Variants in PM20D2 observed in about 807,000 individuals in gnomAD.
PM20D2 encodes the protein xaa-Arg dipeptidase.
PM20D2 carries 33 observed loss-of-function variants against 42.9 expected under a neutral mutation model. That is an observed-to-expected ratio of 0.77 (90% CI 0.58 to 1.03). The LOEUF (loss-of-function observed/expected upper bound fraction) is 1.03. Ranked by LOEUF, PM20D2 falls within the 50% of genes least tolerant of loss-of-function variation. PM20D2 has a pLI of 0.00. For synonymous variants in PM20D2, 250 were observed against 228.2 expected, an observed-to-expected ratio of 1.10 and a Z score of -0.86; for missense variants, 548 against 557.0, an observed-to-expected ratio of 0.98 and a Z score of 0.16.
the PM20D2 span, among the ~76,000 whole-genome samples, chr6:89,094,087 A>C: frequency 6.6e-6 from 1 of 150,456 alleles, no homozygotes; most frequent in African/African-American, 2.4e-5. Context: ...TGCCTGGCTA[A>C]TTTTTGTAAT....
the PM20D2 span, among the ~76,000 whole-genome samples, chr6:89,110,628 G>A: frequency 3.3e-5 from 5 of 152,134 alleles, no homozygotes; most frequent in Admixed American, 1.3e-4. Context: ...GTAGAGAGGT[G>A]GAGTTCTCCT....
chr6:89,096,255 T>C, the PM20D2 span: 1 of 152,222 alleles, frequency 6.6e-6, no homozygotes, highest in Non-Finnish European at 1.5e-5. Flanking sequence ...GGAAGAGGAC[T>C]CTGAAGCCCA....
the PM20D2 span, among the ~76,000 whole-genome samples, chr6:89,094,648 G>A: frequency 6.6e-6 from 1 of 152,102 alleles, no homozygotes; most frequent in African/African-American, 2.4e-5. Flanking sequence ...TTCATCCAGG[G>A]AGTGATTTAA....
chr6:89,100,755 A>G, the PM20D2 span, among the ~76,000 whole-genome samples: 2 of 152,244 alleles, frequency 1.3e-5, no homozygotes, highest in African/African-American at 4.8e-5. Context: ...AAAATATATG[A>G]TATCTGAAAT....
At chr6:89,149,118 C>T (rs920273089) in intron 1 of PM20D2, 147 bp from the exon 2 acceptor site, 3 of 895,104 alleles carry the variant, frequency 3.4e-6, no homozygotes, top group East Asian at 2.6e-5. Context: ...TTTGTTGATG[C>T]CCATTGCGTA....
the PM20D2 span, among the ~76,000 whole-genome samples, chr6:89,102,659 C>A: frequency 1.3e-5 from 2 of 152,184 alleles, no homozygotes; most frequent in African/African-American, 4.8e-5. Context: ...AATTTTAACA[C>A]TGTTCAGGAA....
At chr6:89,103,331 CTT>C in the PM20D2 span, among the ~76,000 whole-genome samples, 24 of 141,296 alleles carry the variant, frequency 1.7e-4, no homozygotes, top group Admixed American at 2.8e-4. Flanking sequence ...AATTTAAATT[CTT>C]TTTTTTTTTT....
the PM20D2 span, among the ~76,000 whole-genome samples, chr6:89,120,598 C>A: frequency 6.6e-6 from 1 of 152,062 alleles, no homozygotes; most frequent in Non-Finnish European, 1.5e-5. Flanking sequence ...GGCGTGGTGA[C>A]TCATGCCTGT....
At chr6:89,107,048 C>T in the PM20D2 span, 23 of 1,129,298 alleles carry the variant, frequency 2.0e-5, no homozygotes, top group Non-Finnish European at 2.9e-5. Flanking sequence ...GAAATAAACA[C>T]ATTTAATTAG....
chr6:89,131,497 C>T, the PM20D2 span, among the ~76,000 whole-genome samples: 3 of 151,454 alleles, frequency 2.0e-5, no homozygotes, highest in East Asian at 1.9e-4. Flanking sequence ...AGACCAGCCT[C>T]GGCAACATAA....
At chr6:89,145,887 T>TC, upstream of PM20D2, among the ~76,000 whole-genome samples, 1 of 151,922 alleles carries the variant, frequency 6.6e-6, no homozygotes, top group Admixed American at 6.6e-5. Context: ...GGTGGAAGAG[T>TC]CCCGAGCCCT....
chr6:89,099,480 ATG>A, the PM20D2 span, among the ~76,000 whole-genome samples: 24 of 142,424 alleles, frequency 1.7e-4, no homozygotes, highest in African/African-American at 5.1e-4. Context: ...GTATATATAT[ATG>A]TGTGTGTATA....
chr6:89,162,052 T>C, intron 6 of PM20D2, 57 bp from the exon 7 acceptor site: 2 of 1,575,928 alleles, frequency 1.3e-6, no homozygotes, highest in Non-Finnish European at 1.7e-6. Context: ...AGCTAACCTG[T>C]GAAATTAAAT....
chr6:89,150,497 G>C (rs1251623616), intron 2 of PM20D2, among the ~76,000 whole-genome samples: 1 of 136,940 alleles, frequency 7.3e-6, no homozygotes, highest in Non-Finnish European at 1.6e-5. Flanking sequence ...CCTTCTCCTA[G>C]TATCTGCCTT....
chr6:89,125,593 C>G, the PM20D2 span, among the ~76,000 whole-genome samples: 1 of 151,704 alleles, frequency 6.6e-6, no homozygotes, highest in Non-Finnish European at 1.5e-5. Context: ...CCAGCCTGAC[C>G]AAAATGGTGA....
the PM20D2 span, chr6:89,117,695 C>T: frequency 1.1e-6 from 1 of 930,892 alleles, no homozygotes; most frequent in Non-Finnish European, 1.5e-6. Flanking sequence ...CCAAGTGGCG[C>T]AGCCTGGGCC....
rs140493681 is a variant in PM20D2 at position 89,162,143 on chromosome 6, G to A, written c.1191G>A (p.Thr397=). Residue 397 remains threonine (T), a synonymous_variant, in exon 7 of 7, where the codon ACG becomes ACA. Transcript: ENST00000275072. ...AAGCTCAGTTCTACACTCTGCGGAC[G>A]GCCAAAGCTCTGGCAATGACGGCAC... is the stretch of plus-strand genomic sequence containing the variant. ...SQEAQFYTLR[T]AKALAMTALD... The A allele has an allele frequency of 5.9e-5, 96 of 1,613,936 alleles. No individual in the cohort carries two copies. Among genetic ancestry groups the A allele is most frequent in the South Asian group, 1.6e-4 (15 of 91,074 alleles).
At chr6:89,117,529 C>G in the PM20D2 span, among the ~76,000 whole-genome samples, 1 of 152,202 alleles carries the variant, frequency 6.6e-6, no homozygotes, top group African/African-American at 2.4e-5. Flanking sequence ...GAGGGGCGCC[C>G]CGTGTCCCAC....
At chr6:89,117,734 AGCCTCCGCCGG>A in the PM20D2 span, 8 of 1,319,724 alleles carry the variant, frequency 6.1e-6, no homozygotes, top group South Asian at 1.6e-5. Context: ...AGCTCCCCCG[AGCCTCCGCCGG>A]GCCTCGGCCG....
Sources: gnomAD v4.1 joint callset for allele counts (sites outside exome capture counted in the v4.1 genomes callset) on GRCh38, gnomAD v4.1.1 for gene constraint, MANE v1.5 for transcripts, NCBI Gene and HGNC (gene_info 2026-07-23, HGNC 2026-07-21) for gene names.